The following GAK variants were observed in gnomAD, a reference collection of about 807,000 sequenced individuals.
GAK encodes the protein cyclin-G-associated kinase.
A neutral mutation model predicts 143.9 loss-of-function variants in GAK; 79 were observed. The observed-to-expected ratio is 0.55, with a 90% CI of 0.46 to 0.66. The LOEUF (loss-of-function observed/expected upper bound fraction) is 0.66. Ranked by LOEUF, GAK falls within the 30% of genes least tolerant of loss-of-function variation. The pLI is 0.00. For synonymous variants in GAK, 881 were observed against 765.5 expected (o/e 1.15, Z -2.49); for missense variants, 1,693 against 1,779.7 (o/e 0.95, Z 0.88).
intron 5 of GAK, among the ~76,000 whole-genome samples, chr4:900,984 G>A (rs1258840248): frequency 1.3e-5 from 2 of 152,156 alleles, no homozygotes; most frequent in East Asian, 1.9e-4. Flanking sequence ...CTGTCCAGTC[G>A]GCCACCTTAC....
At chr4:889,939 G>T (rs1717313837) in intron 10 of GAK, among the ~76,000 whole-genome samples, 1 of 152,178 alleles carries the variant, frequency 6.6e-6, no homozygotes, top group Admixed American at 6.5e-5. Flanking sequence ...GGCAGAAGGG[G>T]CCACCTCACA....
chr4:903,015 C>T (rs1467364143), intron 5 of GAK, among the ~76,000 whole-genome samples: 3 of 152,242 alleles, frequency 2.0e-5, no homozygotes, highest in Non-Finnish European at 4.4e-5. Context: ...ACAGGCAGCT[C>T]AGGGCATGGA....
intron 17 of GAK, 84 bp from the exon 18 acceptor site, chr4:876,693 G>T: frequency 1.7e-6 from 2 of 1,193,426 alleles, no homozygotes; most frequent in Non-Finnish European, 2.5e-6. Context: ...CAATGGGCGA[G>T]ATCTGAGAGC....
In GAK at chr4:866,443, G is replaced by A. The variant is rs1278246225; in HGVS notation, c.2964C>T (p.Asp988=). ...GGAAGGATGGTGGGACGGTCACAGA[G>A]TCCGAATTGAGAAATTCGCCGAAGA... ...PDLFGEFLNS[D]SVTVPPSFPS... is the part of the protein sequence containing the mutation. The change falls in exon 22 of 28, where the codon GAC becomes GAT. Residue 988 remains aspartate, a synonymous_variant. Transcript: ENST00000314167. 6.2e-7 allele frequency: 1 copy of A among 1,614,166 alleles called. No individual in the cohort carries two copies. Among genetic ancestry groups the A allele is most frequent in the South Asian group, 1.1e-5 (1 of 91,092 alleles).
Position 864,317 on chromosome 4 carries a change from C to T in GAK, c.3166+805G>A, listed in dbSNP as rs921695848. Among the ~76,000 whole-genome samples the T allele has an allele frequency of 2.6e-5, 4 of 152,134 alleles. No individual in the cohort carries two copies. The East Asian group carries it at 7.7e-4, about 29-fold the overall frequency. ...TCAATGCTGAAGTGAGTAGAGATTG[C>T]GCCACTATGCTCCAGCCTGGGTGAC... On this transcript the variant is annotated intron_variant, in intron 23 of 27. Coordinates refer to ENST00000314167, the MANE Select transcript of GAK (RefSeq NM_005255.4).
rs781141385 is a variant in GAK at position 877,117 on chromosome 4, G to A, written c.1947C>T (p.Ser649=). The change falls in exon 17 of 28, where the codon TCC becomes TCT. Residue 649 remains serine (S), a synonymous_variant. Coordinates refer to ENST00000314167, the MANE Select transcript of GAK (RefSeq NM_005255.4). ...TGGCCTGCAGCCGGCCGCCCAGAGTGGACCGGGCGTGATAGATGACGATGA... is the reference window on the plus strand; with the variant it reads ...TGGCCTGCAGCCGGCCGCCCAGAGTAGACCGGGCGTGATAGATGACGATGA... ...DVLIVIYHAR[S]TLGGRLQAKM... 7.4e-6 allele frequency: 12 copies of A among 1,613,046 alleles called. No individual in the cohort carries two copies. The highest frequency in any genetic ancestry group is 1.0e-5 in the Non-Finnish European group (12 of 1,179,166).
rs1577325500 is a variant in GAK at position 922,735 on chromosome 4, C to T, written c.146-9067G>A. ...GGGAATGTATGGCCACTCAAGAAAACAATCTGGCAGTTTTCTAACAAACTA... is the reference window on the plus strand; with the variant it reads ...GGGAATGTATGGCCACTCAAGAAAATAATCTGGCAGTTTTCTAACAAACTA... On this transcript the variant is annotated intron_variant, in intron 1 of 27. Coordinates refer to ENST00000314167, the MANE Select transcript of GAK (RefSeq NM_005255.4). 2.6e-5 allele frequency among the ~76,000 whole-genome samples: 4 copies of T among 152,142 alleles called. No homozygotes were observed. In the East Asian group the frequency reaches 5.8e-4, roughly 22 times the overall value.
At chr4:889,516 G>A (rs1291394954) in intron 10 of GAK, among the ~76,000 whole-genome samples, 1 of 152,152 alleles carries the variant, frequency 6.6e-6, no homozygotes, top group Non-Finnish European at 1.5e-5. Flanking sequence ...CCGAGCAGAT[G>A]GGGGCACTGC....
chr4:892,866 C>T (rs778087576), intron 9 of GAK, among the ~76,000 whole-genome samples: 4 of 152,196 alleles, frequency 2.6e-5, no homozygotes, highest in Non-Finnish European at 4.4e-5. Flanking sequence ...CAGAGGAGCG[C>T]GTGCAGAGTG....
intron 16 of GAK, 58 bp from the exon 17 acceptor site, chr4:877,265 A>C: frequency 2.7e-6 from 3 of 1,108,984 alleles, no homozygotes; most frequent in African/African-American, 1.6e-5. Flanking sequence ...ACCAAACAAA[A>C]ACAACAAAAA....
intron 24 of GAK, chr4:859,302 T>A: frequency 1.5e-6 from 2 of 1,315,090 alleles, no homozygotes; most frequent in Non-Finnish European, 2.0e-6. Flanking sequence ...CCCACTTCCA[T>A]GCAGAGACCC....
chr4:876,457 A>T (rs540157565), intron 18 of GAK, 73 bp downstream of exon 18: 2 of 1,351,744 alleles, frequency 1.5e-6, no homozygotes, highest in Non-Finnish European at 2.1e-6. Flanking sequence ...GGCTCCCACG[A>T]CCGGCCCACA....
At chr4:890,011 G>A (rs1008275092) in intron 10 of GAK, among the ~76,000 whole-genome samples, 2 of 152,190 alleles carry the variant, frequency 1.3e-5, no homozygotes, top group Non-Finnish European at 2.9e-5. Flanking sequence ...CCTGCCCCCT[G>A]GCCTCAGGGT....
intron 11 of GAK, chr4:888,517 G>A (rs1299578505): frequency 1.7e-5 from 5 of 293,914 alleles, no homozygotes; most frequent in Non-Finnish European, 2.6e-5. Flanking sequence ...CGCCACCACC[G>A]AGGTTTCACC....
chr4:849,919 G>C lies in GAK; in HGVS notation c.3807C>G (p.Arg1269=). ...APEQVKKHYR[R]AVLAVHPDKA... ...TGTCGGGGTGCACAGCCAGCACCGC[G>C]CGGCGATAGTGCTTCTTCACTTGCT... The change falls in exon 27 of 28, where the codon CGC becomes CGG. Residue 1269 remains arginine (R), a synonymous_variant. Coordinates refer to ENST00000314167, the MANE Select transcript of GAK (RefSeq NM_005255.4). 1 of 1,527,176 alleles carries C rather than the reference G, an allele frequency of 6.5e-7. No homozygotes were observed. The highest frequency in any genetic ancestry group is 2.5e-5 in the East Asian group (1 of 39,398). 94.6% of individuals were successfully genotyped at this position (1,527,176 alleles called of 1,614,324 possible). A position where few individuals can be genotyped will look rare whatever the true frequency, so the allele number is the denominator to read the frequency against.
In GAK at chr4:849,746, G is replaced by C; in HGVS notation, c.3863C>G (p.Ala1288Gly). 6.2e-7 allele frequency: 1 copy of C among 1,613,434 alleles called. No homozygotes were observed. The highest frequency in any genetic ancestry group is 8.5e-7 in the Non-Finnish European group (1 of 1,179,676). Residue 1288 changes from alanine (A) to glycine (G), a missense_variant, in exon 28 of 28, where the codon GCC (alanine) becomes GGC (glycine). This residue lies in a region of GAK where 822 missense variants were observed against 788.7 expected (regional missense o/e 1.04). Coordinates refer to ENST00000314167, the MANE Select transcript of GAK (RefSeq NM_005255.4). ...KAAGQPYEQHAKMIFMELNDA... is the reference protein window; with the variant it reads ...KAAGQPYEQHGKMIFMELNDA... ...ATTCAGCTCCATGAAGATCATCTTG[G>C]CGTGCTGCTCGTACGGCTGCCCCGC...
chr4:885,391 C>T (rs1577161721), intron 11 of GAK, among the ~76,000 whole-genome samples: 1 of 152,226 alleles, frequency 6.6e-6, no homozygotes, highest in African/African-American at 2.4e-5. Flanking sequence ...GCCTGACCAA[C>T]ATGGTGAAAC....
At chr4:880,024 T>C (rs1714767701) in intron 15 of GAK, among the ~76,000 whole-genome samples, 1 of 152,012 alleles carries the variant, frequency 6.6e-6, no homozygotes, top group Non-Finnish European at 1.5e-5. Flanking sequence ...GGGTCCTCTT[T>C]CCACAGCTCT....
rs766237780 is a variant in GAK, at chr4:870,917, G to A, written c.2055-13C>T. The A allele has an allele frequency of 1.2e-6, 2 of 1,600,560 alleles. No homozygotes were observed. The highest frequency in any genetic ancestry group is 1.1e-5 in the South Asian group (1 of 89,960). The stretch of plus-strand genomic sequence containing the variant: ...GTCCAGGTCATACCTGCGGTTACAA[G>A]TAGACACCACTTAGGAAGGCCACCC... On this transcript the variant is annotated splice_polypyrimidine_tract_variant and intron_variant, in intron 18 of 27. Transcript: ENST00000314167.
Sources: allele counts gnomAD v4.1 joint callset (sites outside exome capture counted in the v4.1 genomes callset), GRCh38; gene constraint gnomAD v4.1.1; regional missense constraint gnomAD v4.1.1; transcripts MANE v1.5; gene names NCBI Gene and HGNC (gene_info 2026-07-23, HGNC 2026-07-21).